EYS: variants seen among roughly 807,000 people sequenced by gnomAD.
EYS encodes EGF-like photoreceptor maintenance factor, also known as protein eyes shut homolog.
Under a neutral mutation model 282.1 loss-of-function variants are expected in EYS, and 250 were observed. That is an observed-to-expected ratio of 0.89 (90% CI 0.80 to 0.98). EYS has a LOEUF of 0.98. EYS is among the 50% of genes least tolerant of loss of function. The pLI, the probability that EYS is intolerant of heterozygous loss-of-function variation, is 0.00. For synonymous variants in EYS, 1,355 were observed against 1,282.9 expected, an observed-to-expected ratio of 1.06 and a Z score of -1.20; for missense variants, 4,016 against 3,709.0, an observed-to-expected ratio of 1.08 and a Z score of -2.15.
At chr6:63,911,788 G>T (rs944020392) in intron 35 of EYS, among the ~76,000 whole-genome samples, 2 of 152,250 alleles carry the variant, frequency 1.3e-5, no homozygotes, top group Non-Finnish European at 2.9e-5. Context: ...TATAACTCCA[G>T]ATCTGGAAAT....
intron 31 of EYS, among the ~76,000 whole-genome samples, chr6:64,169,738 C>T (rs74940307): frequency 0.03 from 4,578 of 151,962 alleles, 225 homozygotes; most frequent in African/African-American, 0.1. Flanking sequence ...AACAGAAGTC[C>T]GGGCCCATGG....
At chr6:64,219,141 T>C (rs1388132687) in intron 31 of EYS, among the ~76,000 whole-genome samples, 2 of 152,210 alleles carry the variant, frequency 1.3e-5, no homozygotes, top group African/African-American at 4.8e-5. Flanking sequence ...CTAAGGAATA[T>C]GACTTTTGAT....
chr6:64,184,209 A>G (rs911422613), intron 31 of EYS, among the ~76,000 whole-genome samples: 3 of 152,088 alleles, frequency 2.0e-5, no homozygotes, highest in African/African-American at 7.2e-5. Context: ...TATAAGCCAC[A>G]TGTGGGCAAG....
intron 40 of EYS, among the ~76,000 whole-genome samples, chr6:63,769,933 T>C (rs572829757): frequency 3.9e-5 from 6 of 152,154 alleles, no homozygotes; most frequent in African/African-American, 1.4e-4. Flanking sequence ...TTAAATATCA[T>C]TCACTTACTA....
intron 26 of EYS, among the ~76,000 whole-genome samples, chr6:64,439,599 T>C (rs920784151): frequency 6.6e-6 from 1 of 151,832 alleles, no homozygotes; most frequent in South Asian, 2.1e-4. Flanking sequence ...TCTTCAACAC[T>C]GCTTTTACTT....
chr6:64,090,941 A>G (rs912672139), intron 31 of EYS, among the ~76,000 whole-genome samples: 2 of 152,110 alleles, frequency 1.3e-5, no homozygotes, highest in Admixed American at 6.6e-5. Context: ...TTAAACACAA[A>G]TTTGAATTTA....
intron 22 of EYS, among the ~76,000 whole-genome samples, chr6:64,747,381 T>A (rs559955316): frequency 6.6e-6 from 1 of 152,324 alleles, no homozygotes; most frequent in East Asian, 1.9e-4. Context: ...CTTTTTGGTT[T>A]GTTTTTGTTT....
In EYS at chr6:65,140,602, G is replaced by T. The variant is rs548279678; in HGVS notation, c.2024-82875C>A. On this transcript the variant is annotated intron_variant, in intron 12 of 42. Coordinates refer to ENST00000503581, the MANE Select transcript of EYS (RefSeq NM_001142800.2). ...TTCGCAACCTACTCATCTGACAAAG[G>T]GCTAATATCCAGAATCTACAATGAA... is the stretch of plus-strand genomic sequence containing the variant. Among the ~76,000 whole-genome samples, 709 of 150,588 alleles carry T rather than the reference G, an allele frequency of 4.7e-3. 5 individuals are homozygous for T. The highest frequency in any genetic ancestry group is 0.015 in the African/African-American group (626 of 40,920).
intron 12 of EYS, among the ~76,000 whole-genome samples, chr6:65,221,086 T>C (rs570473239): frequency 6.6e-5 from 10 of 152,240 alleles, no homozygotes; most frequent in Admixed American, 1.3e-4. Flanking sequence ...AAGATATGGT[T>C]TGGAATTGGA....
At chr6:64,167,666 G>A (rs1380948150) in intron 31 of EYS, among the ~76,000 whole-genome samples, 1 of 151,110 alleles carries the variant, frequency 6.6e-6, no homozygotes, top group African/African-American at 2.5e-5. Flanking sequence ...CCATATATAT[G>A]CACATATATC....
At chr6:64,209,906 C>T (rs904642787) in intron 31 of EYS, among the ~76,000 whole-genome samples, 2 of 152,074 alleles carry the variant, frequency 1.3e-5, no homozygotes, top group African/African-American at 4.8e-5. Context: ...TACACAATGA[C>T]GTGTCATGAG....
chr6:65,399,054 G>C (rs543212974), intron 7 of EYS, among the ~76,000 whole-genome samples: 1 of 152,128 alleles, frequency 6.6e-6, no homozygotes, highest in Admixed American at 6.6e-5. Context: ...CTTGATGGCA[G>C]TGTCAGTCAC....
intron 22 of EYS, among the ~76,000 whole-genome samples, chr6:64,738,230 C>T (rs1772249563): frequency 6.6e-6 from 1 of 152,134 alleles, no homozygotes; most frequent in Non-Finnish European, 1.5e-5. Context: ...GGGGCTGGAT[C>T]CCTCATGAAT....
At chr6:64,527,676 C>A (rs1020978358) in intron 26 of EYS, among the ~76,000 whole-genome samples, 1 of 151,316 alleles carries the variant, frequency 6.6e-6, no homozygotes, top group Non-Finnish European at 1.5e-5. Context: ...TTTAATATTT[C>A]CTACATACAA....
chr6:64,325,915 T>C (rs1770402093), intron 29 of EYS, among the ~76,000 whole-genome samples: 2 of 152,038 alleles, frequency 1.3e-5, no homozygotes, highest in Non-Finnish European at 2.9e-5. Flanking sequence ...TTATATTAAA[T>C]GAACAAACCT....
intron 12 of EYS, among the ~76,000 whole-genome samples, chr6:65,149,201 G>C (rs1764553032): frequency 6.6e-6 from 1 of 152,002 alleles, no homozygotes; most frequent in Admixed American, 6.6e-5. Context: ...GCATCATCAG[G>C]CTGCAAATTT....
chr6:65,344,738 G>A (rs901872036), intron 9 of EYS, among the ~76,000 whole-genome samples: 3 of 151,408 alleles, frequency 2.0e-5, no homozygotes, highest in African/African-American at 7.3e-5. Context: ...TTTTGAAATT[G>A]TAGGAAAAAC....
chr6:64,055,946 A>G (rs1373421827), intron 33 of EYS, among the ~76,000 whole-genome samples: 1 of 152,146 alleles, frequency 6.6e-6, no homozygotes, highest in African/African-American at 2.4e-5. Context: ...TGTAGCCATC[A>G]GCCTCAATCA....
At chr6:65,566,893 A>G (rs1769300182) in intron 2 of EYS, among the ~76,000 whole-genome samples, 1 of 152,190 alleles carries the variant, frequency 6.6e-6, no homozygotes. Context: ...TTAAAAATCA[A>G]AGAAAATTTG....
Sources: allele counts gnomAD v4.1 joint callset (sites outside exome capture counted in the v4.1 genomes callset), GRCh38; gene constraint gnomAD v4.1.1; transcripts MANE v1.5; gene names NCBI Gene and HGNC (gene_info 2026-07-23, HGNC 2026-07-21).